DAB1: variants seen among roughly 807,000 people sequenced by gnomAD.
The protein encoded by DAB1 is disabled homolog 1.
A neutral mutation model predicts 64.6 loss-of-function variants in DAB1; 15 were observed. That is an observed-to-expected ratio of 0.23 (90% confidence interval 0.16 to 0.36). DAB1 has a LOEUF of 0.36. DAB1 is among the 10% of genes least tolerant of loss of function. DAB1 has a pLI of 1.00. For synonymous variants in DAB1, 235 were observed against 251.9 expected (o/e 0.93, Z 0.64); for missense variants, 596 against 706.7 (o/e 0.84, Z 1.78).
chr1:58,233,777 G>C (rs1037936692), intron 4 of DAB1, among the ~76,000 whole-genome samples: 2 of 152,062 alleles, frequency 1.3e-5, no homozygotes, highest in African/African-American at 4.8e-5. Flanking sequence ...ATAAGAATTT[G>C]AAATCAAAAA....
intron 4 of DAB1, among the ~76,000 whole-genome samples, chr1:58,326,128 A>G (rs1388927691): frequency 6.6e-6 from 1 of 152,176 alleles, no homozygotes; most frequent in Non-Finnish European, 1.5e-5. Context: ...TATACACCAC[A>G]TCACCACACT....
At chr1:58,145,030 T>A (rs1654509550) in intron 5 of DAB1, among the ~76,000 whole-genome samples, 1 of 152,206 alleles carries the variant, frequency 6.6e-6, no homozygotes, top group Non-Finnish European at 1.5e-5. Context: ...AGTCAGGGGA[T>A]GGGGCTGCAG....
intron 7 of DAB1, among the ~76,000 whole-genome samples, chr1:57,544,056 T>C (rs2101457559): frequency 6.6e-6 from 1 of 152,224 alleles, no homozygotes; most frequent in South Asian, 2.1e-4. Flanking sequence ...GGGGCTACAG[T>C]GAGCTCTGAT....
intron 3 of DAB1, among the ~76,000 whole-genome samples, chr1:58,401,251 T>C (rs1014720482): frequency 3.9e-5 from 6 of 152,202 alleles, no homozygotes; most frequent in African/African-American, 1.4e-4. Flanking sequence ...GCCTCCACCC[T>C]GTGCCATTAC....
intron 1 of DAB1, among the ~76,000 whole-genome samples, chr1:57,378,841 G>A (rs1007480618): frequency 3.9e-5 from 6 of 152,230 alleles, no homozygotes; most frequent in African/African-American, 1.4e-4. Flanking sequence ...TCTTTTTCAT[G>A]GACCCAAAAG....
chr1:57,287,942 C>T lies in DAB1; in HGVS notation c.67+3022G>A, dbSNP rs149603092. Among the ~76,000 whole-genome samples the T allele has an allele frequency of 5.3e-4, 81 of 152,014 alleles. 1 individual carries two copies. In the East Asian group the frequency reaches 0.014, roughly 26 times the overall value. Reference sequence around the variant, plus strand: ...TCCCGAGTAGCTGGGATTACAGGTGCGTGCCACCATGCCTGACTAATTTTT... The same window carrying T: ...TCCCGAGTAGCTGGGATTACAGGTGTGTGCCACCATGCCTGACTAATTTTT... On this transcript the variant is annotated intron_variant, in intron 2 of 14. Coordinates refer to ENST00000371236, the MANE Select transcript of DAB1 (RefSeq NM_001365792.1).
intron 5 of DAB1, among the ~76,000 whole-genome samples, chr1:58,032,631 A>C (rs1024866924): frequency 6.6e-6 from 1 of 152,234 alleles, no homozygotes; most frequent in African/African-American, 2.4e-5. Flanking sequence ...ACTAGGATCC[A>C]GAGAGGTTAA....
chr1:57,857,581 A>G (rs1288154941), intron 1 of DAB1, among the ~76,000 whole-genome samples: 1 of 152,174 alleles, frequency 6.6e-6, no homozygotes, highest in Non-Finnish European at 1.5e-5. Flanking sequence ...TAGATGATGA[A>G]TCTGAGCTAT....
At chr1:57,333,557 T>C (rs1038719483) in intron 1 of DAB1, among the ~76,000 whole-genome samples, 2 of 152,228 alleles carry the variant, frequency 1.3e-5, no homozygotes, top group Non-Finnish European at 2.9e-5. Flanking sequence ...AGGCAAATTG[T>C]GTGTAACCAA....
At chr1:57,685,990 A>G (rs927364803) in intron 6 of DAB1, among the ~76,000 whole-genome samples, 3 of 152,066 alleles carry the variant, frequency 2.0e-5, no homozygotes, top group Non-Finnish European at 2.9e-5. Flanking sequence ...CTAACTTTTC[A>G]CCTAGAGGAA....
At chr1:57,701,570 C>T (rs935115721) in intron 6 of DAB1, among the ~76,000 whole-genome samples, 2 of 151,898 alleles carry the variant, frequency 1.3e-5, no homozygotes, top group African/African-American at 4.8e-5. Context: ...GGAGGGATAG[C>T]ATTAGGAGAT....
chr1:57,810,306 G>C (rs1651559151), intron 6 of DAB1, among the ~76,000 whole-genome samples: 1 of 152,202 alleles, frequency 6.6e-6, no homozygotes, highest in East Asian at 1.9e-4. Context: ...GGGAGACAGA[G>C]GAGGATGGCA....
chr1:57,048,580 G>A (rs894158076), intron 9 of DAB1, among the ~76,000 whole-genome samples: 2 of 152,152 alleles, frequency 1.3e-5, no homozygotes, highest in African/African-American at 4.8e-5. Flanking sequence ...ACGTAATAAC[G>A]AGTGGATTAT....
chr1:57,632,305 T>G (rs11207079), intron 7 of DAB1, among the ~76,000 whole-genome samples: 1 of 152,030 alleles, frequency 6.6e-6, no homozygotes, highest in Non-Finnish European at 1.5e-5. Context: ...TAAATTAAAG[T>G]GTTATTAGAA....
At chr1:58,455,401 C>T (rs1380696187) in intron 3 of DAB1, among the ~76,000 whole-genome samples, 2 of 152,208 alleles carry the variant, frequency 1.3e-5, no homozygotes, top group Non-Finnish European at 1.5e-5. Flanking sequence ...GCCCACCCCG[C>T]GGACAGGCGC....
At chr1:57,924,860 T>TA (rs1205764367) in intron 5 of DAB1, among the ~76,000 whole-genome samples, 2 of 151,840 alleles carry the variant, frequency 1.3e-5, no homozygotes, top group African/African-American at 4.8e-5. Context: ...TGTAAGGTTT[T>TA]AAAAAAAAGT....
chr1:57,167,931 A>C (rs77537016), intron 2 of DAB1, among the ~76,000 whole-genome samples: 1 of 152,208 alleles, frequency 6.6e-6, no homozygotes, highest in African/African-American at 2.4e-5. Context: ...TGTCCAGTGA[A>C]TGAAGGTCAC....
intron 4 of DAB1, among the ~76,000 whole-genome samples, chr1:58,304,448 C>A (rs757229633): frequency 1.6e-4 from 25 of 152,188 alleles, no homozygotes; most frequent in Admixed American, 3.3e-4. Flanking sequence ...AATATGTAAC[C>A]ACTAAAATAA....
intron 5 of DAB1, among the ~76,000 whole-genome samples, chr1:57,984,256 GAAAGA>G (rs1646154753): frequency 1.6e-5 from 2 of 128,912 alleles, no homozygotes; most frequent in Non-Finnish European, 3.3e-5. Flanking sequence ...AAGAAAGAAA[GAAAGA>G]AAAAAAATTA....
Sources: allele counts gnomAD v4.1 joint callset (sites outside exome capture counted in the v4.1 genomes callset), GRCh38; gene constraint gnomAD v4.1.1; transcripts MANE v1.5; gene names NCBI Gene and HGNC (gene_info 2026-07-23, HGNC 2026-07-21).